Variants in NFYC observed in about 807,000 individuals in gnomAD.
NFYC encodes the protein nuclear transcription factor Y subunit gamma.
NFYC carries 25 observed loss-of-function variants against 53.1 expected under a neutral mutation model. That is an observed-to-expected ratio of 0.47 (90% CI 0.34 to 0.66). The LOEUF is 0.66. NFYC is among the 30% of genes least tolerant of loss of function. The probability of loss-of-function intolerance (pLI) is 0.01; values close to 1 mark genes in which losing one functional copy is unlikely to be tolerated. For missense variants in NFYC, 260 were observed against 422.7 expected, an observed-to-expected ratio of 0.62 and a Z score of 3.38; for synonymous variants, 145 against 152.6, an observed-to-expected ratio of 0.95 and a Z score of 0.37.
At chr1:40,723,278 A>G (rs1168093051) in intron 1 of NFYC, 1 of 152,244 alleles carries the variant, frequency 6.6e-6, no homozygotes, top group Non-Finnish European at 1.5e-5. Context: ...GCACCCGGTA[A>G]GAAAATGATG....
chr1:40,769,871 C>A (rs1284114578), intron 9 of NFYC, among the ~76,000 whole-genome samples: 1 of 152,176 alleles, frequency 6.6e-6, no homozygotes, highest in Non-Finnish European at 1.5e-5. Flanking sequence ...CATTTTCAGT[C>A]CATGCGAGGA....
intron 1 of NFYC, among the ~76,000 whole-genome samples, chr1:40,721,899 G>A (rs551797555): frequency 2.2e-4 from 34 of 152,148 alleles, no homozygotes; most frequent in Middle Eastern, 3.4e-3. Context: ...GGCCGGGCGC[G>A]GTGGCTCATG....
At chr1:40,724,150 A>T (rs1298508833) in intron 1 of NFYC, among the ~76,000 whole-genome samples, 1 of 152,150 alleles carries the variant, frequency 6.6e-6, no homozygotes, top group African/African-American at 2.4e-5. Flanking sequence ...TGGGCAGATC[A>T]CTTAAGGTCA....
At chr1:40,731,485 T>C (rs554464708) in intron 1 of NFYC, among the ~76,000 whole-genome samples, 2 of 151,032 alleles carry the variant, frequency 1.3e-5, no homozygotes, top group Non-Finnish European at 2.9e-5. Context: ...TCTTTTTCTT[T>C]TTCTTTTGGC....
Position 40,758,282 on chromosome 1 carries a change from T to G in NFYC, c.549T>G (p.Pro183=). ...CTGGGCAGATCATCATCGCACAGCC[T>G]CAGCAGGGCCAGGTCTGTGAGCTGC... is the stretch of plus-strand genomic sequence containing the variant. The part of the protein sequence containing the change: ...IQPGQIIIAQ[P]QQGQTTPVTM... Residue 183 remains proline, a synonymous_variant, in exon 6 of 10, where the codon CCT becomes CCG. Transcript: ENST00000447388. 2 of 1,611,290 alleles carry G rather than the reference T, an allele frequency of 1.2e-6. No homozygotes were observed. The highest frequency in any genetic ancestry group is 1.7e-6 in the Non-Finnish European group (2 of 1,178,454).
rs924114408 is a variant in NFYC at position 40,770,650 on chromosome 1, G to GGGAGCT, written c.889-57_889-52dup. The GGGAGCT allele has an allele frequency of 6.2e-7, 1 of 1,613,958 alleles. No homozygotes were observed. Among genetic ancestry groups the GGGAGCT allele is most frequent in the African/African-American group, 1.3e-5 (1 of 74,902 alleles). On this transcript the variant is annotated intron_variant, in intron 9 of 9. Transcript: ENST00000447388. This position sits in a 1 kb window ranked among gnomAD's most constrained non-coding sequence, Gnocchi z 5.3. The stretch of plus-strand genomic sequence containing the variant: ...ACCCCCAACCAGCTCGAGACCCATA[G>GGGAGCT]GGAGCTGCATGCCCCTCTCCCAGGG...
chr1:40,708,661 G>A lies in NFYC; in HGVS notation c.-9+16794G>A, dbSNP rs548005082. Among the ~76,000 whole-genome samples the A allele has an allele frequency of 3.3e-5, 5 of 152,250 alleles. No homozygotes were observed. In the East Asian group the frequency reaches 9.7e-4, roughly 29 times the overall value. ...GTTTTAAAATAAAGTGCTTTGCCTTGATACCAGTCTGTGCCTTTAAAGTGC... is the reference window on the plus strand; with the variant it reads ...GTTTTAAAATAAAGTGCTTTGCCTTAATACCAGTCTGTGCCTTTAAAGTGC... On this transcript the variant is annotated intron_variant, in intron 1 of 9. Coordinates refer to ENST00000447388, the MANE Select transcript of NFYC (RefSeq NM_014223.5).
intron 1 of NFYC, among the ~76,000 whole-genome samples, chr1:40,720,252 G>A (rs1326681167): frequency 1.3e-5 from 2 of 152,154 alleles, no homozygotes; most frequent in African/African-American, 4.8e-5. Flanking sequence ...AATCAATACA[G>A]CCAAGCTCAT....
At chr1:40,727,216 G>T (rs12409109) in intron 1 of NFYC, among the ~76,000 whole-genome samples, 32,538 of 150,976 alleles carry the variant, frequency 0.22, 4,044 homozygotes, top group South Asian at 0.42. Context: ...TGTTTGTTTG[G>T]TTGGTTGGTT....
At chr1:40,693,201 A>G (rs1460536009) in intron 1 of NFYC, among the ~76,000 whole-genome samples, 5 of 152,206 alleles carry the variant, frequency 3.3e-5, no homozygotes, top group African/African-American at 1.2e-4. Context: ...ATAGCTTCTT[A>G]AGGAACAGGA....
chr1:40,742,186 C>T (rs935975426), intron 2 of NFYC, among the ~76,000 whole-genome samples: 6 of 151,286 alleles, frequency 4.0e-5, no homozygotes, highest in Non-Finnish European at 8.8e-5. Context: ...ACTGGGATTA[C>T]AGACATGAGC....
At chr1:40,717,596 G>A (rs1644184337) in intron 1 of NFYC, among the ~76,000 whole-genome samples, 1 of 152,150 alleles carries the variant, frequency 6.6e-6, no homozygotes, top group Non-Finnish European at 1.5e-5. Context: ...CTTTCTGTGT[G>A]TGCCTTGATA....
chr1:40,744,991 GCTT>G (rs2148649699), intron 2 of NFYC, among the ~76,000 whole-genome samples: 1 of 152,264 alleles, frequency 6.6e-6, no homozygotes, highest in Non-Finnish European at 1.5e-5. Flanking sequence ...TTTACACACT[GCTT>G]CTTGAGATCT....
intron 1 of NFYC, among the ~76,000 whole-genome samples, chr1:40,737,942 G>A (rs938953654): frequency 7.7e-6 from 1 of 130,078 alleles, no homozygotes; most frequent in Non-Finnish European, 1.6e-5. Context: ...TCGCTCTGTC[G>A]CCCAGGCTGG....
intron 1 of NFYC, among the ~76,000 whole-genome samples, chr1:40,736,061 T>C (rs1313372146): frequency 6.6e-6 from 1 of 152,134 alleles, no homozygotes; most frequent in African/African-American, 2.4e-5. Flanking sequence ...ATTGAACACT[T>C]CCCTTTAACT....
intron 1 of NFYC, among the ~76,000 whole-genome samples, chr1:40,704,638 C>T (rs1327221159): frequency 6.6e-6 from 1 of 152,196 alleles, no homozygotes; most frequent in Non-Finnish European, 1.5e-5. Flanking sequence ...AGGTCTTTTC[C>T]TTGCAAACTG....
At chr1:40,766,823 C>G in intron 8 of NFYC, 120 bp downstream of exon 8, 1 of 1,480,300 alleles carries the variant, frequency 6.8e-7, no homozygotes, top group South Asian at 1.2e-5. Flanking sequence ...GAAGCACCAC[C>G]CCCACACCCT....
Position 40,760,187 on chromosome 1 carries a change from C to T in NFYC, c.561+1893C>T, listed in dbSNP as rs184432622. Among the ~76,000 whole-genome samples, 98 of 152,310 alleles carry T rather than the reference C, an allele frequency of 6.4e-4. 2 individuals are homozygous for T. In the East Asian group the frequency reaches 0.011, roughly 17 times the overall value. ...TCCCAGGCTGGTCTCAAACTCCTGG[C>T]TTTATGCCATCCTCCCACCTTGGCC... is the stretch of plus-strand genomic sequence containing the variant. On this transcript the variant is annotated intron_variant, in intron 6 of 9. Transcript: ENST00000447388.
chr1:40,697,594 G>T (rs1036661746), intron 1 of NFYC, among the ~76,000 whole-genome samples: 3 of 152,184 alleles, frequency 2.0e-5, no homozygotes, highest in African/African-American at 2.4e-5. Flanking sequence ...GGAACAACTG[G>T]TGTTTTCATT....
Sources: gnomAD v4.1 joint callset for allele counts (sites outside exome capture counted in the v4.1 genomes callset) on GRCh38, gnomAD v4.1.1 for gene constraint, Gnocchi (gnomAD v3.1) non-coding constraint, MANE v1.5 for transcripts, NCBI Gene and HGNC (gene_info 2026-07-23, HGNC 2026-07-21) for gene names.